ST6GALNAC6: variants seen among roughly 807,000 people sequenced by gnomAD.
The protein encoded by ST6GALNAC6 is ST6 N-acetylgalactosaminide alpha-2,6-sialyltransferase 6, also known as alpha-N-acetylgalactosaminide alpha-2,6-sialyltransferase 6.
ST6GALNAC6 carries 19 observed loss-of-function variants against 34.3 expected under a neutral mutation model. That is an observed-to-expected ratio of 0.55 (90% confidence interval 0.39 to 0.81). The LOEUF is 0.81. Among genes scored for constraint, ST6GALNAC6 ranks in the 40% least tolerant of loss-of-function variants. ST6GALNAC6 has a pLI of 0.00. For synonymous variants in ST6GALNAC6, 185 were observed against 182.1 expected (o/e 1.02, Z -0.13); for missense variants, 377 against 467.7 (o/e 0.81, Z 1.79).
At chr9:127,893,147 A>G (rs1457022107) in intron 4 of ST6GALNAC6, among the ~76,000 whole-genome samples, 4 of 152,190 alleles carry the variant, frequency 2.6e-5, no homozygotes, top group Admixed American at 1.3e-4. Context: ...CTAGGGAAAC[A>G]TATTCAAGGC....
At position 127,885,692 on chromosome 9, in the gene ST6GALNAC6, T is replaced by C. The variant is rs1047071737; in HGVS notation, c.*907A>G. ...GCCTCCAACAGTTGGAAAACCTCCC[T>C]GCTAGAGGGCAGAAAAGGAGGCCTG... On this transcript the variant is annotated 3_prime_UTR_variant, in exon 7 of 7. Coordinates refer to ENST00000373146, the MANE Select transcript of ST6GALNAC6 (RefSeq NM_013443.5). 2.6e-5 allele frequency: 4 copies of C among 152,200 alleles called. No homozygotes were observed. In the East Asian group the frequency reaches 7.7e-4, roughly 29 times the overall value. 9.4% of individuals were successfully genotyped at this position (152,200 alleles called of 1,614,324 possible). A position where few individuals can be genotyped will look rare whatever the true frequency, so the allele number is the denominator to read the frequency against.
intron 2 of ST6GALNAC6, 56 bp downstream of exon 2, chr9:127,897,900 G>T (rs1355143257): frequency 6.2e-7 from 1 of 1,613,408 alleles, no homozygotes; most frequent in Non-Finnish European, 8.5e-7. Context: ...CTCTGAGAAG[G>T]CCATGGTCAG....
chr9:127,901,546 C>G (rs1405334752), upstream of ST6GALNAC6, among the ~76,000 whole-genome samples: 1 of 152,024 alleles, frequency 6.6e-6, no homozygotes, highest in Admixed American at 6.5e-5. Flanking sequence ...AGGCGGGAGG[C>G]AGAGGTTGCA....
In ST6GALNAC6 at chr9:127,885,739, T is replaced by C. The variant is rs1829718676; in HGVS notation, c.*860A>G. 6.6e-6 allele frequency: 1 copy of C among 152,212 alleles called. No individual in the cohort carries two copies. Among genetic ancestry groups the C allele is most frequent in the African/African-American group, 2.4e-5 (1 of 41,454 alleles). The allele number at this position is 152,212 out of a possible 1,614,324, so 9.4% of individuals were successfully genotyped here. ...CCTGGCCCTTTAAGAGCCAAGCTAA[T>C]GGCAGCTGGCTGAGGGGCTAAGAAA... is the stretch of plus-strand genomic sequence containing the variant. On this transcript the variant is annotated 3_prime_UTR_variant, in exon 7 of 7. Transcript: ENST00000373146.
upstream of ST6GALNAC6, among the ~76,000 whole-genome samples, chr9:127,901,748 A>G (rs1490623479): frequency 6.6e-6 from 1 of 152,212 alleles, no homozygotes; most frequent in Non-Finnish European, 1.5e-5. Context: ...CCAGACCAAC[A>G]TGGTGAAGCC....
At chr9:127,895,598 C>T (rs1463492701) in intron 3 of ST6GALNAC6, among the ~76,000 whole-genome samples, 1 of 152,182 alleles carries the variant, frequency 6.6e-6, no homozygotes, top group East Asian at 1.9e-4. Context: ...TCCTGTATTC[C>T]TCAGAATTCC....
intron 4 of ST6GALNAC6, among the ~76,000 whole-genome samples, chr9:127,893,056 C>T (rs1830242407): frequency 6.6e-6 from 1 of 152,202 alleles, no homozygotes; most frequent in Non-Finnish European, 1.5e-5. Context: ...ATTGGCTTTT[C>T]CTGGGCAGCA....
chr9:127,890,745 A>G lies in ST6GALNAC6; in HGVS notation c.596T>C (p.Val199Ala), dbSNP rs771813070. ...MQKPQGSLVR[V>A]IQRAGLVFPN... Reference sequence around the variant, plus strand: ...GAACACCAGGCCCGCTCGCTGGATCACACGCACGAGGCTGCCCTGGGGCTT... The same window carrying G: ...GAACACCAGGCCCGCTCGCTGGATCGCACGCACGAGGCTGCCCTGGGGCTT... Residue 199 changes from valine to alanine, a missense_variant, in exon 5 of 7, where the codon GTG becomes GCG. Val to Ala is a moderately conservative substitution (Grantham distance 64). Coordinates refer to ENST00000373146, the MANE Select transcript of ST6GALNAC6 (RefSeq NM_013443.5). The surrounding 1 kb of genome is among the most constrained non-coding windows in gnomAD (Gnocchi z 4.3). The G allele has an allele frequency of 2.2e-5, 36 of 1,613,440 alleles. No individual in the cohort carries two copies. Among genetic ancestry groups the G allele is most frequent in the Non-Finnish European group, 3.1e-5 (36 of 1,179,680 alleles).
intron 2 of ST6GALNAC6, chr9:127,897,506 G>A: frequency 1.1e-6 from 1 of 911,168 alleles, no homozygotes; most frequent in Non-Finnish European, 1.3e-6. Context: ...CCCTCCCCGT[G>A]GGAGCGCCCC....
rs575770256 is a variant in ST6GALNAC6, at chr9:127,891,188, A to T, written c.298-145T>A. ...CCCATTCATTCCACATTCAGCACAC[A>T]TTGATAGCAAGCTGGTTAATGGCCA... On this transcript the variant is annotated intron_variant, in intron 4 of 6. Transcript: ENST00000373146. 14 of 1,055,196 alleles carry T rather than the reference A, an allele frequency of 1.3e-5. No individual in the cohort carries two copies. The East Asian group carries it at 3.1e-4, about 24-fold the overall frequency. The allele number at this position is 1,055,196 out of a possible 1,614,324, so 65.4% of individuals were successfully genotyped here.
chr9:127,900,560 CAAAAAAA>C (rs71380101), upstream of ST6GALNAC6, among the ~76,000 whole-genome samples: 3 of 44,170 alleles, frequency 6.8e-5, no homozygotes, highest in East Asian at 9.8e-4. Context: ...AACTCCGTCT[CAAAAAAA>C]AAAAAAAAAA....
Position 127,886,406 on chromosome 9 carries a change from G to C in ST6GALNAC6, c.*193C>G, listed in dbSNP as rs991469547. On this transcript the variant is annotated 3_prime_UTR_variant, in exon 7 of 7. Transcript: ENST00000373146. ...AAAGACACCCCTGATTAACCGCATA[G>C]ACTCCCAAATCCCTGATTCGCCAAC... The C allele has an allele frequency of 7.0e-7, 1 of 1,431,154 alleles. No homozygotes were observed. The highest frequency in any genetic ancestry group is 1.4e-5 in the African/African-American group (1 of 69,488). The allele number at this position is 1,431,154 out of a possible 1,614,324, so 88.7% of individuals were successfully genotyped here.
In ST6GALNAC6 at chr9:127,886,382, A is replaced by C; in HGVS notation, c.*217T>G. The C allele has an allele frequency of 3.6e-6, 5 of 1,394,510 alleles. No individual in the cohort carries two copies. The highest frequency in any genetic ancestry group is 1.5e-5 in the South Asian group (1 of 65,864). The allele number at this position is 1,394,510 out of a possible 1,614,324, so 86.4% of individuals were successfully genotyped here. On this transcript the variant is annotated 3_prime_UTR_variant, in exon 7 of 7. Transcript: ENST00000373146. The stretch of plus-strand genomic sequence containing the variant: ...GTGCGCAGACCCTGACTGCACAAGA[A>C]AGACACCCCTGATTAACCGCATAGA...
At chr9:127,899,384 G>A in intron 1 of ST6GALNAC6, 119 bp downstream of exon 1, 3 of 558,160 alleles carry the variant, frequency 5.4e-6, no homozygotes. Context: ...GGTGCCGCCG[G>A]GGGACCCGCA....
intron 2 of ST6GALNAC6, chr9:127,897,366 G>A (rs1830529764): frequency 5.1e-6 from 5 of 985,878 alleles, no homozygotes; most frequent in South Asian, 4.7e-5. Flanking sequence ...TGAGCCCTTT[G>A]ACCTAGCCGC....
upstream of ST6GALNAC6, among the ~76,000 whole-genome samples, chr9:127,900,187 T>C (rs1830699118): frequency 6.6e-6 from 1 of 152,216 alleles, no homozygotes; most frequent in African/African-American, 2.4e-5. Context: ...TAGGGAAAAA[T>C]AACTTAAGTA....
At position 127,889,199 on chromosome 9, in the gene ST6GALNAC6, AT is replaced by A. The variant is rs532395900; in HGVS notation, c.704+1437del. Among the ~76,000 whole-genome samples the A allele has an allele frequency of 2.3e-3, 352 of 152,072 alleles. 2 individuals are homozygous for A. The highest frequency in any genetic ancestry group is 8.0e-3 in the African/African-American group (330 of 41,504). On this transcript the variant is annotated intron_variant, in intron 5 of 6. Transcript: ENST00000373146. ...CCCTGTCTCTACCAAAAATACATAA[AT>A]TAGCTGGGTGTGTGGCGCAAGCCTG... is the stretch of plus-strand genomic sequence containing the variant.
rs767822406 is a variant in ST6GALNAC6, at chr9:127,886,577, G to C, written c.*22C>G. The stretch of plus-strand genomic sequence containing the variant: ...AGGCTGCTTCTCCTCTGACCCTCCT[G>C]AGGTCCCACAGGCTGGGTGGCCTAG... On this transcript the variant is annotated 3_prime_UTR_variant, in exon 7 of 7. Transcript: ENST00000373146. The C allele has an allele frequency of 6.2e-7, 1 of 1,613,256 alleles. No homozygotes were observed. The highest frequency in any genetic ancestry group is 8.5e-7 in the Non-Finnish European group (1 of 1,179,536).
Position 127,891,536 on chromosome 9 carries a change from G to C in ST6GALNAC6, c.298-493C>G, listed in dbSNP as rs139977167. ...GGAGACTAAGGCACAAGAATTGCTC[G>C]AACCTGGAGGCAGAGGTTGCAGTGA... On this transcript the variant is annotated intron_variant, in intron 4 of 6. Coordinates refer to ENST00000373146, the MANE Select transcript of ST6GALNAC6 (RefSeq NM_013443.5). Among the ~76,000 whole-genome samples, 438 of 151,500 alleles carry C rather than the reference G, an allele frequency of 2.9e-3. 7 individuals are homozygous for C. The East Asian group carries it at 0.032, about 11-fold the overall frequency.
Sources: allele counts gnomAD v4.1 joint callset (sites outside exome capture counted in the v4.1 genomes callset), GRCh38; gene constraint gnomAD v4.1.1; non-coding constraint Gnocchi (gnomAD v3.1); transcripts MANE v1.5; gene names NCBI Gene and HGNC (gene_info 2026-07-23, HGNC 2026-07-21).